CDH13: variants seen among roughly 807,000 people sequenced by gnomAD.
The protein encoded by CDH13 is cadherin-13.
A neutral mutation model predicts 63.8 loss-of-function variants in CDH13; 24 were observed. The ratio of observed to expected loss-of-function variants is 0.38; its 90% CI spans 0.27 to 0.53. The LOEUF is 0.53. CDH13 is among the 20% of genes least tolerant of loss of function. The pLI, the probability that CDH13 is intolerant of heterozygous loss-of-function variation, is 0.85. For synonymous variants in CDH13, 503 were observed against 355.3 expected (o/e 1.42, Z -4.67); for missense variants, 1,049 against 903.1 (o/e 1.16, Z -2.07).
chr16:83,525,339 CA>C (rs1473057961), intron 7 of CDH13, among the ~76,000 whole-genome samples: 1 of 152,242 alleles, frequency 6.6e-6, no homozygotes, highest in Admixed American at 6.5e-5. Context: ...TTCTGGACAA[CA>C]ACGTAAAATA....
At chr16:83,043,678 G>C (rs1917530630) in intron 3 of CDH13, among the ~76,000 whole-genome samples, 1 of 152,044 alleles carries the variant, frequency 6.6e-6, no homozygotes, top group Non-Finnish European at 1.5e-5. Context: ...GGCCAGGATG[G>C]TGAAACCACA....
intron 2 of CDH13, among the ~76,000 whole-genome samples, chr16:82,959,329 G>C (rs1187357257): frequency 2.6e-5 from 4 of 152,158 alleles, no homozygotes; most frequent in Non-Finnish European, 1.5e-5. Context: ...TTTTTGGCAG[G>C]GGAGGGGGCT....
chr16:83,578,178 G>T (rs1445884531), intron 7 of CDH13, among the ~76,000 whole-genome samples: 1 of 152,178 alleles, frequency 6.6e-6, no homozygotes, highest in Non-Finnish European at 1.5e-5. Context: ...TTGTTTAAAT[G>T]GTACCCGGGT....
intron 5 of CDH13, among the ~76,000 whole-genome samples, chr16:83,289,189 T>C (rs2089405126): frequency 7.0e-6 from 1 of 141,974 alleles, no homozygotes; most frequent in Admixed American, 6.9e-5. Context: ...TGCATATGAA[T>C]GTGCGTGAAC....
chr16:83,423,708 A>G (rs2071788756), intron 6 of CDH13, among the ~76,000 whole-genome samples: 2 of 152,314 alleles, frequency 1.3e-5, no homozygotes, highest in South Asian at 4.1e-4. Flanking sequence ...AAATTATTGT[A>G]TATTAAACCC....
chr16:83,466,683 C>G (rs183975944), intron 6 of CDH13, among the ~76,000 whole-genome samples: 207 of 152,310 alleles, frequency 1.4e-3, no homozygotes, highest in African/African-American at 4.7e-3. Flanking sequence ...AGGAACAAAT[C>G]TCCTGGTCGA....
intron 6 of CDH13, among the ~76,000 whole-genome samples, chr16:83,411,468 G>A (rs1389706180): frequency 6.6e-6 from 1 of 152,136 alleles, no homozygotes; most frequent in Non-Finnish European, 1.5e-5. Flanking sequence ...CTTGTTCTCA[G>A]TGAAATCATA....
chr16:83,665,572 C>A (rs979236216), intron 8 of CDH13, among the ~76,000 whole-genome samples: 1 of 152,124 alleles, frequency 6.6e-6, no homozygotes, highest in African/African-American at 2.4e-5. Flanking sequence ...ATTAGTGAGA[C>A]CCTATAATTT....
chr16:83,336,018 G>T (rs1021506772), intron 5 of CDH13, among the ~76,000 whole-genome samples: 1 of 151,938 alleles, frequency 6.6e-6, no homozygotes, highest in African/African-American at 2.4e-5. Flanking sequence ...TAGATATTTG[G>T]GGCCAGGCAT....
intron 5 of CDH13, among the ~76,000 whole-genome samples, chr16:83,305,729 C>G (rs1029801968): frequency 2.0e-5 from 3 of 152,112 alleles, no homozygotes; most frequent in Non-Finnish European, 4.4e-5. Flanking sequence ...GTTCCATTTT[C>G]TTTCATCTGT....
intron 3 of CDH13, among the ~76,000 whole-genome samples, chr16:83,040,711 G>A (rs780807052): frequency 8.5e-5 from 13 of 152,130 alleles, no homozygotes; most frequent in African/African-American, 1.4e-4. Context: ...CAGAAACACC[G>A]GGGAACAATA....
intron 6 of CDH13, among the ~76,000 whole-genome samples, chr16:83,437,606 G>C (rs1244256271): frequency 6.6e-6 from 1 of 152,100 alleles, no homozygotes; most frequent in Non-Finnish European, 1.5e-5. Context: ...GAACCCAGGA[G>C]GCAGAGGTTG....
At chr16:83,101,418 G>T (rs2034472676) in intron 3 of CDH13, among the ~76,000 whole-genome samples, 1 of 149,420 alleles carries the variant, frequency 6.7e-6, no homozygotes, top group Non-Finnish European at 1.5e-5. Flanking sequence ...TATTTAGTAT[G>T]TTAGATTGTG....
At chr16:83,108,714 T>C (rs72798354) in intron 3 of CDH13, among the ~76,000 whole-genome samples, 9,864 of 152,214 alleles carry the variant, frequency 0.065, 404 homozygotes, top group Non-Finnish European at 0.079. Flanking sequence ...CCCTTGGCTG[T>C]CTCTTGTCTG....
chr16:83,407,583 A>T (rs13331343), intron 6 of CDH13, among the ~76,000 whole-genome samples: 68,086 of 152,044 alleles, frequency 0.45, 15,527 homozygotes, highest in South Asian at 0.54. Flanking sequence ...CTTAGCCTAT[A>T]ATTGCAAATT....
chr16:82,780,405 T>C (rs1448501159), intron 1 of CDH13, among the ~76,000 whole-genome samples: 2 of 152,164 alleles, frequency 1.3e-5, no homozygotes, highest in African/African-American at 4.8e-5. Context: ...GATGTAAATA[T>C]TCAGTCATGA....
chr16:83,443,296 G>GC lies in CDH13; in HGVS notation c.782-43178dup, dbSNP rs1377825754. ...ACGCCTCTGAGAAAGAGGCTGGGAG[G>GC]CCCTTCCGCAACAGGTGTTCAGGTA... On this transcript the variant is annotated intron_variant, in intron 6 of 13. Coordinates refer to ENST00000567109, the MANE Select transcript of CDH13 (RefSeq NM_001257.5). Among the ~76,000 whole-genome samples the GC allele has an allele frequency of 3.3e-5, 5 of 152,258 alleles. 1 individual carries two copies. The highest frequency in any genetic ancestry group is 2.4e-5 in the African/African-American group (1 of 41,558).
intron 7 of CDH13, among the ~76,000 whole-genome samples, chr16:83,531,764 C>G (rs949515107): frequency 2.0e-5 from 3 of 152,202 alleles, no homozygotes; most frequent in African/African-American, 7.2e-5. Context: ...CCTTTGGAAG[C>G]AGTGTGGCCC....
intron 1 of CDH13, among the ~76,000 whole-genome samples, chr16:82,674,172 A>T (rs1210270482): frequency 6.6e-6 from 1 of 152,126 alleles, no homozygotes; most frequent in African/African-American, 2.4e-5. Flanking sequence ...ATCACACCTC[A>T]TTTCAATAAA....
Sources: allele counts gnomAD v4.1 joint callset (sites outside exome capture counted in the v4.1 genomes callset), GRCh38; gene constraint gnomAD v4.1.1; transcripts MANE v1.5; gene names NCBI Gene and HGNC (gene_info 2026-07-23, HGNC 2026-07-21).